Variants in HGF observed in about 807,000 individuals in gnomAD.
The protein encoded by HGF is hepatocyte growth factor, also known as fibroblast-derived tumor cytotoxic factor.
Under a neutral mutation model 111.6 loss-of-function variants are expected in HGF, and 39 were observed. The ratio of observed to expected loss-of-function variants is 0.35; its 90% confidence interval spans 0.27 to 0.46. The LOEUF (loss-of-function observed/expected upper bound fraction) is 0.46, where lower values mean the gene tolerates loss of function less well. HGF is among the 20% of genes least tolerant of loss of function. The pLI is 1.00. For missense variants in HGF, 735 were observed against 910.5 expected (o/e 0.81, Z 2.48); for synonymous variants, 285 against 294.8 (o/e 0.97, Z 0.34).
At chr7:81,736,458 TGTTATC>T (rs1787829090) in intron 7 of HGF, among the ~76,000 whole-genome samples, 1 of 152,102 alleles carries the variant, frequency 6.6e-6, no homozygotes, top group African/African-American at 2.4e-5. Context: ...GCTGGCATAT[TGTTATC>T]ATTATTCTAT....
intron 7 of HGF, among the ~76,000 whole-genome samples, chr7:81,733,325 T>C (rs1195983975): frequency 6.6e-6 from 1 of 151,858 alleles, no homozygotes; most frequent in East Asian, 1.9e-4. Context: ...TTTTACCAAA[T>C]AAATATAACT....
rs1180108614 is a variant in HGF at position 81,700,509 on chromosome 7, T to G, written c.*2072A>C. ...CCAGGAAATTTAGAGGAAGAGTCATTAAAGAAGTATTTTTAAAATGTGAGT... is the reference window on the plus strand; with the variant it reads ...CCAGGAAATTTAGAGGAAGAGTCATGAAAGAAGTATTTTTAAAATGTGAGT... On this transcript the variant is annotated 3_prime_UTR_variant, in exon 18 of 18. Transcript: ENST00000222390. The G allele has an allele frequency of 6.6e-6, 1 of 151,676 alleles. No homozygotes were observed. The highest frequency in any genetic ancestry group is 1.5e-5 in the Non-Finnish European group (1 of 67,706). 9.4% of individuals were successfully genotyped at this position (151,676 alleles called of 1,614,324 possible). A position where few individuals can be genotyped will look rare whatever the true frequency, so the allele number is the denominator to read the frequency against.
intron 9 of HGF, among the ~76,000 whole-genome samples, chr7:81,723,652 T>G (rs572704434): frequency 6.6e-6 from 1 of 151,132 alleles, no homozygotes; most frequent in Non-Finnish European, 1.5e-5. Flanking sequence ...TTTAATAGTG[T>G]TTTTAATATC....
intron 2 of HGF, among the ~76,000 whole-genome samples, chr7:81,761,513 G>C (rs1236377861): frequency 6.6e-6 from 1 of 150,658 alleles, no homozygotes; most frequent in Non-Finnish European, 1.5e-5. Context: ...AAATGTAATT[G>C]AGTAGAATTT....
intron 11 of HGF, among the ~76,000 whole-genome samples, chr7:81,713,875 C>G (rs1297270455): frequency 6.6e-6 from 1 of 152,012 alleles, no homozygotes; most frequent in African/African-American, 2.4e-5. Flanking sequence ...AGACTCATGT[C>G]TACAAAAATA....
chr7:81,762,310 G>T (rs1028440166), intron 2 of HGF, among the ~76,000 whole-genome samples: 35 of 152,122 alleles, frequency 2.3e-4, no homozygotes, highest in Non-Finnish European at 7.3e-5. Flanking sequence ...TAATAAAGAT[G>T]AAGTAAATTT....
chr7:81,706,480 T>C (rs2115772685), intron 14 of HGF, 53 bp from the exon 15 acceptor site: 1 of 1,402,786 alleles, frequency 7.1e-7, no homozygotes, highest in Admixed American at 1.7e-5. Context: ...CCAAATTCTG[T>C]AGTATTATTC....
intron 11 of HGF, among the ~76,000 whole-genome samples, chr7:81,716,397 G>A (rs1789713676): frequency 6.6e-6 from 1 of 152,112 alleles, no homozygotes; most frequent in African/African-American, 2.4e-5. Context: ...GCATAGAATT[G>A]AGACAGACTG....
At position 81,710,198 on chromosome 7, in the gene HGF, T is replaced by C. The variant is rs1275968685; in HGVS notation, c.1490A>G (p.Asn497Ser). 4 of 1,613,584 alleles carry C rather than the reference T, an allele frequency of 2.5e-6. No homozygotes were observed. In the Admixed American group the frequency reaches 5.0e-5, roughly 20 times the overall value. ...TATGTTTGTTCGTGTTGGAATCCCA[T>C]TTACAACTCGCAATTGTTTCGTTTT... ...CAKTKQLRVV[N>S]GIPTRTNIGW... is the part of the protein sequence containing the mutation. Residue 497 changes from asparagine to serine, a missense_variant, in exon 13 of 18, where the codon AAT becomes AGT. Around this residue, in one of 3 missense-constraint regions of HGF, gnomAD observed 553 missense variants for 685.6 expected, o/e 0.81. Coordinates refer to ENST00000222390, the MANE Select transcript of HGF (RefSeq NM_000601.6).
intron 1 of HGF, 125 bp downstream of exon 1, chr7:81,769,758 TA>T (rs1416975731): frequency 1.4e-6 from 1 of 738,558 alleles, no homozygotes; most frequent in Non-Finnish European, 2.4e-6. Flanking sequence ...TAGAAACCTA[TA>T]CTACATACTG....
At chr7:81,734,411 C>G (rs1162566634) in intron 7 of HGF, among the ~76,000 whole-genome samples, 1 of 152,050 alleles carries the variant, frequency 6.6e-6, no homozygotes. Flanking sequence ...AAATTTTTCA[C>G]TGTCCTGTTT....
intron 4 of HGF, among the ~76,000 whole-genome samples, chr7:81,754,595 A>G (rs959658141): frequency 6.6e-6 from 1 of 152,082 alleles, no homozygotes. Flanking sequence ...AAGAGAAAAG[A>G]TGGGCTCCTT....
chr7:81,739,776 T>G (rs1787947647), intron 7 of HGF, among the ~76,000 whole-genome samples: 1 of 152,124 alleles, frequency 6.6e-6, no homozygotes, highest in Non-Finnish European at 1.5e-5. Flanking sequence ...AGAGTCTTTG[T>G]GTTTTCCTGG....
chr7:81,710,789 T>C (rs1272508250), intron 12 of HGF, among the ~76,000 whole-genome samples: 1 of 152,196 alleles, frequency 6.6e-6, no homozygotes, highest in Non-Finnish European at 1.5e-5. Context: ...AGACATAATA[T>C]AAAATTTATT....
chr7:81,745,048 T>G lies in HGF; in HGVS notation c.698A>C (p.Gln233Pro). ...GTGTGGTGTCTGATGATCCCAGCGC[T>G]GACAAATCTTGCCTGATTCTGTATG... Reference protein sequence around the residue: ...MDHTESGKICQRWDHQTPHRH... With the variant: ...MDHTESGKICPRWDHQTPHRH... Residue 233 changes from glutamine (Q) to proline (P), a missense_variant, in exon 6 of 18, where the codon CAG becomes CCG. Coordinates refer to ENST00000222390, the MANE Select transcript of HGF (RefSeq NM_000601.6). 6.2e-7 allele frequency: 1 copy of G among 1,613,988 alleles called. No homozygotes were observed. The highest frequency in any genetic ancestry group is 8.5e-7 in the Non-Finnish European group (1 of 1,179,896).
chr7:81,729,529 T>G, intron 8 of HGF, 76 bp downstream of exon 8: 1 of 1,131,468 alleles, frequency 8.8e-7, no homozygotes, highest in Non-Finnish European at 1.3e-6. Flanking sequence ...TAACACAAAA[T>G]TAGTAAAAAG....
intron 10 of HGF, 75 bp downstream of exon 10, chr7:81,720,670 G>A: frequency 1.2e-6 from 1 of 825,704 alleles, no homozygotes. Flanking sequence ...GAAAGAAATA[G>A]CAATGTACAT....
chr7:81,738,568 A>G (rs1484907343), intron 7 of HGF, among the ~76,000 whole-genome samples: 2 of 152,166 alleles, frequency 1.3e-5, no homozygotes. Context: ...TTGTCAGACA[A>G]TGAGCAACAT....
Position 81,769,891 on chromosome 7 carries a change from G to T in HGF, c.81C>A (p.Pro27=). 6.4e-7 allele frequency: 1 copy of T among 1,565,080 alleles called. No individual in the cohort carries two copies. Residue 27 remains proline (P), a synonymous_variant, in exon 1 of 18, where the codon CCC becomes CCA. Transcript: ENST00000222390. ...AAGAAGAAGGGAACTAACCTGCATAGGGGATGGCGATGGGGAGCAGGAGGA... is the reference window on the plus strand; with the variant it reads ...AAGAAGAAGGGAACTAACCTGCATATGGGATGGCGATGGGGAGCAGGAGGA... The part of the protein sequence containing the change: ...LHLLLLPIAI[P]YAEGQRKRRN...
Sources: gnomAD v4.1 joint callset for allele counts (sites outside exome capture counted in the v4.1 genomes callset) on GRCh38, gnomAD v4.1.1 for gene constraint, gnomAD v4.1.1 regional missense constraint, MANE v1.5 for transcripts, NCBI Gene and HGNC (gene_info 2026-07-23, HGNC 2026-07-21) for gene names.